Variants in MTHFD2L observed in about 807,000 individuals in gnomAD.
MTHFD2L encodes the protein bifunctional methylenetetrahydrofolate dehydrogenase/cyclohydrolase 2, mitochondrial.
MTHFD2L carries 29 observed loss-of-function variants against 34.9 expected under a neutral mutation model. The ratio of observed to expected loss-of-function variants is 0.83; its 90% confidence interval spans 0.62 to 1.13. The LOEUF is 1.13. MTHFD2L is among the 50% of genes most tolerant of loss of function. MTHFD2L has a pLI of 0.00. For missense variants in MTHFD2L, 481 were observed against 446.5 expected (o/e 1.08, Z -0.70); for synonymous variants, 167 against 155.7 (o/e 1.07, Z -0.54).
intron 7 of MTHFD2L, among the ~76,000 whole-genome samples, chr4:74,289,546 A>G (rs562262196): frequency 6.6e-6 from 1 of 152,360 alleles, no homozygotes; most frequent in African/African-American, 2.4e-5. Context: ...GGGCAAAGAA[A>G]TCACATTTGA....
intron 6 of MTHFD2L, among the ~76,000 whole-genome samples, chr4:74,252,951 C>T (rs1340263861): frequency 6.6e-6 from 1 of 151,722 alleles, no homozygotes. Context: ...ATTAACAATC[C>T]TAGAATTTAT....
At chr4:74,200,260 C>T (rs530393519) in intron 4 of MTHFD2L, among the ~76,000 whole-genome samples, 6 of 151,838 alleles carry the variant, frequency 4.0e-5, no homozygotes, top group East Asian at 1.9e-4. Flanking sequence ...TGCAGTGAGC[C>T]GAGATCATGC....
At chr4:74,196,673 G>A (rs912981063) in intron 3 of MTHFD2L, among the ~76,000 whole-genome samples, 1 of 152,064 alleles carries the variant, frequency 6.6e-6, no homozygotes, top group African/African-American at 2.4e-5. Flanking sequence ...CAGTGGCCAG[G>A]CTCAGTGGCT....
chr4:74,128,349 A>G (rs2109795364), intron 1 of MTHFD2L, among the ~76,000 whole-genome samples: 2 of 152,174 alleles, frequency 1.3e-5, no homozygotes, highest in South Asian at 4.1e-4. Flanking sequence ...TCATAGTTTC[A>G]GGTCTTAGAT....
At position 74,260,414 on chromosome 4, in the gene MTHFD2L, G is replaced by C. The variant is rs554484342; in HGVS notation, c.806-21011G>C. Among the ~76,000 whole-genome samples, 88 of 152,212 alleles carry C rather than the reference G, an allele frequency of 5.8e-4. 2 individuals are homozygous for C. The Middle Eastern group carries it at 0.027, about 47-fold the overall frequency. On this transcript the variant is annotated intron_variant, in intron 6 of 7. Transcript: ENST00000325278. ...TCTCTTGGTGCAAGAAGCTCTTCCT[G>C]TCTGTCTAGTCAGCCACCTTGGCTC...
At chr4:74,117,718 G>A (rs1721679117) in intron 2 of MTHFD2L, among the ~76,000 whole-genome samples, 1 of 152,194 alleles carries the variant, frequency 6.6e-6, no homozygotes, top group Non-Finnish European at 1.5e-5. Flanking sequence ...TTCCGCAGCA[G>A]GCCCAGGGTT....
At chr4:74,150,709 A>G (rs1375643228) in intron 1 of MTHFD2L, among the ~76,000 whole-genome samples, 1 of 152,208 alleles carries the variant, frequency 6.6e-6, no homozygotes, top group East Asian at 1.9e-4. Flanking sequence ...GACACACATC[A>G]AAACAAAGTG....
chr4:74,126,877 A>G (rs1722117616), intron 1 of MTHFD2L, among the ~76,000 whole-genome samples: 1 of 152,042 alleles, frequency 6.6e-6, no homozygotes, highest in African/African-American at 2.4e-5. Context: ...TCCAAATCTC[A>G]TCTTGAATTT....
intron 1 of MTHFD2L, among the ~76,000 whole-genome samples, chr4:74,164,101 C>CAACT (rs1726106774): frequency 6.6e-6 from 1 of 152,194 alleles, no homozygotes; most frequent in Non-Finnish European, 1.5e-5. Flanking sequence ...GCGTCTTGAT[C>CAACT]TCCTGACTTC....
chr4:74,176,503 A>G (rs1729067253), intron 3 of MTHFD2L, among the ~76,000 whole-genome samples: 1 of 152,000 alleles, frequency 6.6e-6, no homozygotes, highest in South Asian at 2.1e-4. Flanking sequence ...TTTGTAAAAT[A>G]TCATGTGGGT....
chr4:74,268,993 A>G (rs1405691167), intron 6 of MTHFD2L, among the ~76,000 whole-genome samples: 1 of 152,212 alleles, frequency 6.6e-6, no homozygotes, highest in African/African-American at 2.4e-5. Context: ...ATGAATCACA[A>G]AATAGCATAT....
At chr4:74,248,692 A>G (rs1317070832) in intron 6 of MTHFD2L, among the ~76,000 whole-genome samples, 4 of 148,220 alleles carry the variant, frequency 2.7e-5, no homozygotes, top group South Asian at 2.2e-4. Context: ...CTTTGTTCTC[A>G]TTGGTTTCAA....
chr4:74,167,421 T>C (rs1726951263), intron 1 of MTHFD2L, among the ~76,000 whole-genome samples: 1 of 152,052 alleles, frequency 6.6e-6, no homozygotes, highest in Non-Finnish European at 1.5e-5. Context: ...AAGAACAAAA[T>C]TAACAATAAT....
chr4:74,210,083 A>G (rs746013752), intron 5 of MTHFD2L, among the ~76,000 whole-genome samples: 25 of 152,038 alleles, frequency 1.6e-4, no homozygotes, highest in Non-Finnish European at 3.2e-4. Context: ...TGTAGATTCC[A>G]GATATTAGCC....
At chr4:74,202,420 C>G (rs1222981129) in intron 5 of MTHFD2L, among the ~76,000 whole-genome samples, 2 of 152,156 alleles carry the variant, frequency 1.3e-5, no homozygotes, top group Non-Finnish European at 2.9e-5. Context: ...CTCAGACCTT[C>G]CAACAAGGTT....
At chr4:74,161,060 T>C (rs1003608207) in intron 1 of MTHFD2L, 6 of 152,226 alleles carry the variant, frequency 3.9e-5, no homozygotes, top group African/African-American at 1.4e-4. Flanking sequence ...CTATTATTTC[T>C]TTTAGCTTTT....
At chr4:74,226,580 T>C (rs1739200347) in intron 6 of MTHFD2L, among the ~76,000 whole-genome samples, 1 of 152,328 alleles carries the variant, frequency 6.6e-6, no homozygotes, top group Non-Finnish European at 1.5e-5. Flanking sequence ...GGCTGGAATA[T>C]GGGGCTTGTG....
chr4:74,234,747 T>TA (rs1740587400), intron 6 of MTHFD2L, among the ~76,000 whole-genome samples: 1 of 151,968 alleles, frequency 6.6e-6, no homozygotes, highest in Non-Finnish European at 1.5e-5. Context: ...CAATATTAGA[T>TA]ACATGTATGT....
At chr4:74,204,791 C>T (rs910318089) in intron 5 of MTHFD2L, among the ~76,000 whole-genome samples, 2 of 151,888 alleles carry the variant, frequency 1.3e-5, no homozygotes, top group African/African-American at 4.8e-5. Context: ...TATTTTTTAT[C>T]ATGTATGATT....
Sources: gnomAD v4.1 joint callset for allele counts (sites outside exome capture counted in the v4.1 genomes callset) on GRCh38, gnomAD v4.1.1 for gene constraint, MANE v1.5 for transcripts, NCBI Gene and HGNC (gene_info 2026-07-23, HGNC 2026-07-21) for gene names.